The following SMG8 variants were observed in gnomAD, a reference collection of about 807,000 sequenced individuals.
SMG8 encodes SMG8 nonsense mediated mRNA decay factor.
SMG8 carries 49 observed loss-of-function variants against 82.1 expected under a neutral mutation model. The ratio of observed to expected loss-of-function variants is 0.60; its 90% CI spans 0.47 to 0.76. The LOEUF is 0.76. SMG8 is among the 30% of genes least tolerant of loss of function. The pLI is 0.00. For synonymous variants in SMG8, 404 were observed against 430.0 expected, an observed-to-expected ratio of 0.94 and a Z score of 0.75; for missense variants, 969 against 1,166.4, an observed-to-expected ratio of 0.83 and a Z score of 2.46.
chr17:59,210,746 G>A lies in SMG8; in HGVS notation c.695G>A (p.Gly232Glu). ...TYDRVFRALD[G>E]LRQKVLPLLK... The stretch of plus-strand genomic sequence containing the variant: ...GATCGAGTATTCAGAGCCCTGGATG[G>A]GCTGAGACAGAAGGTCCTGCCGCTC... Residue 232 changes from glycine to glutamate, a missense_variant, in exon 1 of 4, where the codon GGG (glycine) becomes GAG (glutamate). Around this residue, in one of 3 missense-constraint regions of SMG8, gnomAD observed 662 missense variants for 884.8 expected, o/e 0.75. Transcript: ENST00000300917. The A allele has an allele frequency of 6.2e-7, 1 of 1,613,994 alleles. No homozygotes were observed. The highest frequency in any genetic ancestry group is 2.2e-5 in the East Asian group (1 of 44,870).
rs1352329446 is a variant in SMG8 at position 59,210,479 on chromosome 17, G to A, written c.428G>A (p.Ser143Asn). The change falls in exon 1 of 4, where the codon AGT becomes AAT. Residue 143 changes from serine to asparagine, a missense_variant. This residue lies in a region of SMG8 where 206 missense variants were observed against 190.5 expected (regional missense o/e 1.08). Coordinates refer to ENST00000300917, the MANE Select transcript of SMG8 (RefSeq NM_018149.7). ...QDYSLLQAYYSQESKVLYLLL... is the reference protein window; with the variant it reads ...QDYSLLQAYYNQESKVLYLLL... ...TACAGCCTTCTGCAGGCCTACTACAGTCAGGAAAGCAAAGTTCTGTATCTT... is the reference window on the plus strand; with the variant it reads ...TACAGCCTTCTGCAGGCCTACTACAATCAGGAAAGCAAAGTTCTGTATCTT... The A allele has an allele frequency of 5.0e-6, 8 of 1,584,762 alleles. No homozygotes were observed. In the African/African-American group the frequency reaches 5.4e-5, roughly 11 times the overall value.
rs2046938508 is a variant in SMG8 at position 59,210,154 on chromosome 17, G to A, written c.103G>A (p.Ala35Thr). The A allele has an allele frequency of 2.5e-6, 4 of 1,588,414 alleles. No homozygotes were observed. Among genetic ancestry groups the A allele is most frequent in the Non-Finnish European group, 2.6e-6 (3 of 1,167,892 alleles). The change falls in exon 1 of 4, where the codon GCT becomes ACT. Residue 35 changes from alanine to threonine, a missense_variant. This residue lies in a region of SMG8 where 206 missense variants were observed against 190.5 expected (regional missense o/e 1.08). Transcript: ENST00000300917. Reference protein sequence around the residue: ...GSPTEGGGSAAGGPEPPWRED... With the variant: ...GSPTEGGGSATGGPEPPWRED... ...CCCTACTGAGGGCGGAGGGAGCGCG[G>A]CTGGCGGACCGGAGCCTCCATGGCG...
In SMG8 at chr17:59,210,214, AAG is replaced by A. The variant is rs1408419962; in HGVS notation, c.165_166del (p.Lys55AsnfsTer40). The A allele has an allele frequency of 6.2e-7, 1 of 1,603,954 alleles. No homozygotes were observed. Among genetic ancestry groups the A allele is most frequent in the Non-Finnish European group, 8.5e-7 (1 of 1,175,186 alleles). On this transcript the variant is annotated frameshift_variant, in exon 1 of 4. Coordinates refer to ENST00000300917, the MANE Select transcript of SMG8 (RefSeq NM_018149.7). LOFTEE classifies it high-confidence loss of function. ...DEICVVGIFG[K>X]TALRLNSEKF... The stretch of plus-strand genomic sequence containing the variant: ...GATCTGCGTTGTGGGAATCTTCGGC[AAG>A]ACGGCTCTACGCCTGAATTCCGAGA...
In SMG8 at chr17:59,213,133, A is replaced by T. The variant is rs765458189; in HGVS notation, c.2310A>T (p.Lys770Asn). 2 of 1,614,212 alleles carry T rather than the reference A, an allele frequency of 1.2e-6. No homozygotes were observed. Among genetic ancestry groups the T allele is most frequent in the Admixed American group, 3.3e-5 (2 of 60,014 alleles). The part of the protein sequence containing the change: ...LPKFSSWSLV[K>N]LGPAKSYNFH... Reference sequence around the variant, plus strand: ...AATTCTCCAGCTGGTCTTTGGTTAAACTAGGCCCTGCTAAGTCTTATAACT... The same window carrying T: ...AATTCTCCAGCTGGTCTTTGGTTAATCTAGGCCCTGCTAAGTCTTATAACT... Residue 770 changes from lysine (K) to asparagine (N), a missense_variant, in exon 3 of 4, where the codon AAA (lysine) becomes AAT (asparagine). Around this residue, in one of 3 missense-constraint regions of SMG8, gnomAD observed 662 missense variants for 884.8 expected, o/e 0.75. Transcript: ENST00000300917.
chr17:59,211,965 AG>A, intron 1 of SMG8, 155 bp downstream of exon 1: 1 of 595,716 alleles, frequency 1.7e-6, no homozygotes, highest in Non-Finnish European at 2.6e-6. Flanking sequence ...CTGCTGTAAA[AG>A]GAAAATATCA....
rs766529836 is a variant in SMG8, at chr17:59,212,498, A to AT, written c.1905+18dup. Reference sequence around the variant, plus strand: ...ATGACTTCTATCAGGTAGACTCTGAATTTTTTCTTCTTCCTCTTCTGTCTT... The same window carrying AT: ...ATGACTTCTATCAGGTAGACTCTGAATTTTTTTCTTCTTCCTCTTCTGTCTT... On this transcript the variant is annotated intron_variant, in intron 2 of 3. Coordinates refer to ENST00000300917, the MANE Select transcript of SMG8 (RefSeq NM_018149.7). The AT allele has an allele frequency of 1.9e-6, 3 of 1,586,794 alleles. No individual in the cohort carries two copies. Among genetic ancestry groups the AT allele is most frequent in the East Asian group, 4.5e-5 (2 of 44,300 alleles).
rs192823274 is a variant in SMG8 at position 59,211,910 on chromosome 17, A to G, written c.1759+100A>G. On this transcript the variant is annotated intron_variant, in intron 1 of 3. Coordinates refer to ENST00000300917, the MANE Select transcript of SMG8 (RefSeq NM_018149.7). The stretch of plus-strand genomic sequence containing the variant: ...TTCACTATGTATTGATATTTTAGAA[A>G]GAGCCCTACAGAAATTTAGGTGCAT... 1,989 of 1,096,136 alleles carry G rather than the reference A, an allele frequency of 1.8e-3. 2 individuals are homozygous for G. The highest frequency in any genetic ancestry group is 2.3e-3 in the Non-Finnish European group (1,863 of 818,310). The allele number at this position is 1,096,136 out of a possible 1,614,324, so 67.9% of individuals were successfully genotyped here.
chr17:59,214,923 C>T lies in SMG8; in HGVS notation c.2897C>T (p.Pro966Leu), dbSNP rs1309419675. The change falls in exon 4 of 4, where the codon CCT becomes CTT. Residue 966 changes from proline (P) to leucine (L), a missense_variant. Coordinates refer to ENST00000300917, the MANE Select transcript of SMG8 (RefSeq NM_018149.7). ...FPYAYVTERGPCFPPKENVQL... is the reference protein window; with the variant it reads ...FPYAYVTERGLCFPPKENVQL... ...TATGCATATGTGACTGAGAGAGGAC[C>T]TTGTTTCCCCCCTAAGGAAAATGTG... 1.1e-6 allele frequency: 1 copy of T among 872,886 alleles called. No individual in the cohort carries two copies. The highest frequency in any genetic ancestry group is 1.7e-5 in the Admixed American group (1 of 59,142). The allele number at this position is 872,886 out of a possible 1,614,324, so 54.1% of individuals were successfully genotyped here.
chr17:59,213,217 G>A lies in SMG8; in HGVS notation c.2394G>A (p.Trp798Ter), dbSNP rs2046953178. The change falls in exon 3 of 4, where the codon TGG becomes TGA. Residue 798 changes from tryptophan (W) to a stop codon, truncating the protein, a stop_gained. Transcript: ENST00000300917. LOFTEE classifies it high-confidence loss of function. ...FIPGTNYLMP[W>*]DIVIRTRAED... is the part of the protein sequence containing the mutation. Reference sequence around the variant, plus strand: ...CAGGAACAAATTATCTTATGCCTTGGGACATTGTCATCAGGACTAGAGCTG... The same window carrying A: ...CAGGAACAAATTATCTTATGCCTTGAGACATTGTCATCAGGACTAGAGCTG... The A allele has an allele frequency of 6.2e-7, 1 of 1,614,000 alleles. No homozygotes were observed. Among genetic ancestry groups the A allele is most frequent in the South Asian group, 1.1e-5 (1 of 91,082 alleles).
At position 59,211,019 on chromosome 17, in the gene SMG8, T is replaced by G. The variant is rs2046943425; in HGVS notation, c.968T>G (p.Ile323Ser). ...AGTCGTGTCTTGACTAATCAGAGCA[T>G]CAACTGCCTCTTTACTGTGCCTGCC... ...RKSRVLTNQS[I>S]NCLFTVPANQ... is the part of the protein sequence containing the mutation. The change falls in exon 1 of 4, where the codon ATC becomes AGC. Residue 323 changes from isoleucine (I) to serine (S), a missense_variant. Physicochemically the swap from Ile to Ser is moderately radical, Grantham distance 142 (BLOSUM62 -2). Transcript: ENST00000300917. 6.2e-7 allele frequency: 1 copy of G among 1,614,038 alleles called. No homozygotes were observed. The highest frequency in any genetic ancestry group is 8.5e-7 in the Non-Finnish European group (1 of 1,180,038).
In SMG8 at chr17:59,210,119, C is replaced by G. The variant is rs201808182; in HGVS notation, c.68C>G (p.Pro23Arg). The stretch of plus-strand genomic sequence containing the variant: ...TCAGCCTGGATGGGCTCTGAAAGTC[C>G]CGGAGGGTCCCCTACTGAGGGCGGA... Reference protein sequence around the residue: ...GASAWMGSESPGGSPTEGGGS... With the variant: ...GASAWMGSESRGGSPTEGGGS... Residue 23 changes from proline to arginine, a missense_variant, in exon 1 of 4, where the codon CCC (proline) becomes CGC (arginine). Pro to Arg is a moderately radical substitution (Grantham distance 103). Coordinates refer to ENST00000300917, the MANE Select transcript of SMG8 (RefSeq NM_018149.7). 9.3e-5 allele frequency: 147 copies of G among 1,581,724 alleles called. No individual in the cohort carries two copies. Among genetic ancestry groups the G allele is most frequent in the Non-Finnish European group, 1.2e-4 (141 of 1,166,976 alleles).
Position 59,212,975 on chromosome 17 carries a change from G to A in SMG8, c.2152G>A (p.Asp718Asn), listed in dbSNP as rs1279668059. 3.1e-6 allele frequency: 5 copies of A among 1,614,042 alleles called. No individual in the cohort carries two copies. The highest frequency in any genetic ancestry group is 4.2e-6 in the Non-Finnish European group (5 of 1,180,054). ...TYPADPQAGG[D>N]NPEVHGQVEV... ...TCCAGCTGATCCACAAGCAGGAGGAGATAATCCAGAAGTTCATGGTCAAGT... is the reference window on the plus strand; with the variant it reads ...TCCAGCTGATCCACAAGCAGGAGGAAATAATCCAGAAGTTCATGGTCAAGT... The change falls in exon 3 of 4, where the codon GAT (aspartate) becomes AAT (asparagine). Residue 718 changes from aspartate to asparagine, a missense_variant. Physicochemically the swap from Asp to Asn is conservative, Grantham distance 23 (BLOSUM62 1). Coordinates refer to ENST00000300917, the MANE Select transcript of SMG8 (RefSeq NM_018149.7).
At position 59,211,819 on chromosome 17, in the gene SMG8, A is replaced by C. The variant is rs1280587791; in HGVS notation, c.1759+9A>C. ...CTCATTACCTAAATCAGGTAGCTAA[A>C]ATTTGTTCAGCATTTTGAAATAAAA... On this transcript the variant is annotated intron_variant, in intron 1 of 3. Transcript: ENST00000300917. The C allele has an allele frequency of 1.3e-6, 2 of 1,508,576 alleles. No homozygotes were observed. Among genetic ancestry groups the C allele is most frequent in the Admixed American group, 2.3e-5 (1 of 43,126 alleles). 93.4% of individuals were successfully genotyped at this position (1,508,576 alleles called of 1,614,324 possible).
At position 59,210,445 on chromosome 17, in the gene SMG8, T is replaced by C. The variant is rs745979609; in HGVS notation, c.394T>C (p.Ser132Pro). ...GGAAGGTAACCGAACTGAGGCAGGC[T>C]CCCAGGACTACAGCCTTCTGCAGGC... Reference protein sequence around the residue: ...VAEGNRTEAGSQDYSLLQAYY... With the variant: ...VAEGNRTEAGPQDYSLLQAYY... Residue 132 changes from serine (S) to proline (P), a missense_variant, in exon 1 of 4, where the codon TCC (serine) becomes CCC (proline). Coordinates refer to ENST00000300917, the MANE Select transcript of SMG8 (RefSeq NM_018149.7). 27 of 1,608,526 alleles carry C rather than the reference T, an allele frequency of 1.7e-5. No homozygotes were observed. In the Admixed American group the frequency reaches 1.7e-4, roughly 10 times the overall value.
At position 59,213,000 on chromosome 17, in the gene SMG8, T is replaced by C. The variant is rs1176799276; in HGVS notation, c.2177T>C (p.Val726Ala). The C allele has an allele frequency of 1.9e-6, 3 of 1,614,106 alleles. No homozygotes were observed. Among genetic ancestry groups the C allele is most frequent in the Non-Finnish European group, 2.5e-6 (3 of 1,180,032 alleles). Residue 726 changes from valine to alanine, a missense_variant, in exon 3 of 4, where the codon GTA becomes GCA. Val to Ala is a moderately conservative substitution (Grantham distance 64). This residue lies in a region of SMG8 where 662 missense variants were observed against 884.8 expected (regional missense o/e 0.75). Transcript: ENST00000300917. Reference protein sequence around the residue: ...GGDNPEVHGQVEVKTEKRPNF... With the variant: ...GGDNPEVHGQAEVKTEKRPNF... ...GATAATCCAGAAGTTCATGGTCAAG[T>C]AGAAGTGAAAACTGAGAAGAGGCCA... is the stretch of plus-strand genomic sequence containing the variant.
intron 3 of SMG8, among the ~76,000 whole-genome samples, 166 bp downstream of exon 3, chr17:59,213,767 G>A (rs1361407059): frequency 2.6e-5 from 4 of 151,868 alleles, no homozygotes; most frequent in African/African-American, 9.7e-5. Flanking sequence ...TGGGAGGATT[G>A]CTTGAGCCCA....
Position 59,211,425 on chromosome 17 carries a change from G to C in SMG8, c.1374G>C (p.Val458=). 6.2e-7 allele frequency: 1 copy of C among 1,614,168 alleles called. No homozygotes were observed. Residue 458 remains valine (V), a synonymous_variant, in exon 1 of 4, where the codon GTG becomes GTC. Transcript: ENST00000300917. ...CAGCAGCTTCAAAACTGTATGAGGT[G>C]GCTATTGATGGGAAAGAAGAGGACT... is the stretch of plus-strand genomic sequence containing the variant. ...WISAASKLYE[V]AIDGKEEDLG...
chr17:59,214,609 A>G (rs2147865614), intron 3 of SMG8, among the ~76,000 whole-genome samples, 196 bp from the exon 4 acceptor site: 1 of 152,012 alleles, frequency 6.6e-6, no homozygotes, highest in African/African-American at 2.4e-5. Context: ...GGGTTTCTCC[A>G]TGTTGGCCAG....
chr17:59,211,770 T>G lies in SMG8; in HGVS notation c.1719T>G (p.Asp573Glu). 1 of 1,583,414 alleles carries G rather than the reference T, an allele frequency of 6.3e-7. No homozygotes were observed. Among genetic ancestry groups the G allele is most frequent in the Non-Finnish European group, 8.6e-7 (1 of 1,165,940 alleles). ...HQLCEERSLT[D>E]QHCVHKFHSL... Reference sequence around the variant, plus strand: ...TCTGTGAGGAGAGGAGTTTAACTGATCAACACTGTGTGCACAAATTTCACT... The same window carrying G: ...TCTGTGAGGAGAGGAGTTTAACTGAGCAACACTGTGTGCACAAATTTCACT... Residue 573 changes from aspartate (D) to glutamate (E), a missense_variant, in exon 1 of 4, where the codon GAT becomes GAG. Asp to Glu is a conservative substitution (Grantham distance 45). Coordinates refer to ENST00000300917, the MANE Select transcript of SMG8 (RefSeq NM_018149.7).
Sources: allele counts gnomAD v4.1 joint callset (sites outside exome capture counted in the v4.1 genomes callset), GRCh38; gene constraint gnomAD v4.1.1; regional missense constraint gnomAD v4.1.1; transcripts MANE v1.5; gene names NCBI Gene and HGNC (gene_info 2026-07-23, HGNC 2026-07-21).